The following DLG2 variants were observed in gnomAD, a reference collection of about 807,000 sequenced individuals.
The protein encoded by DLG2 is disks large homolog 2.
In DLG2, 45 loss-of-function variants were observed where a neutral mutation model predicts 132.5. That is an observed-to-expected ratio of 0.34 (90% CI 0.27 to 0.44). The LOEUF (loss-of-function observed/expected upper bound fraction) is 0.44. Ranked by LOEUF, DLG2 falls within the 20% of genes least tolerant of loss-of-function variation. The pLI is 1.00. For missense variants in DLG2, 1,045 were observed against 1,196.9 expected (o/e 0.87, Z 1.87); for synonymous variants, 424 against 419.6 (o/e 1.01, Z -0.13).
At chr11:83,696,259 A>G (rs75674546) in intron 18 of DLG2, among the ~76,000 whole-genome samples, 1,738 of 152,098 alleles carry the variant, frequency 0.011, 47 homozygotes, top group African/African-American at 0.04. Context: ...GAAGGAGAAA[A>G]TCTGGGCTGG....
chr11:85,189,972 T>C (rs547574632), intron 4 of DLG2, among the ~76,000 whole-genome samples: 16 of 152,290 alleles, frequency 1.1e-4, no homozygotes, highest in African/African-American at 3.4e-4. Flanking sequence ...ATGTATCTTA[T>C]AATGTATAAA....
intron 3 of DLG2, among the ~76,000 whole-genome samples, chr11:85,443,172 T>C (rs986603446): frequency 1.3e-5 from 2 of 151,692 alleles, no homozygotes; most frequent in Non-Finnish European, 3.0e-5. Context: ...CTGTCACTAA[T>C]TTTTTTATCT....
intron 6 of DLG2, among the ~76,000 whole-genome samples, chr11:84,891,325 T>C (rs764052852): frequency 6.6e-6 from 1 of 152,190 alleles, no homozygotes; most frequent in Non-Finnish European, 1.5e-5. Flanking sequence ...ATGGTAGGAA[T>C]ATTAGTATTT....
intron 6 of DLG2, among the ~76,000 whole-genome samples, chr11:84,909,837 G>A (rs1484012250): frequency 6.6e-6 from 1 of 152,140 alleles, no homozygotes; most frequent in Non-Finnish European, 1.5e-5. Flanking sequence ...TGCCCAGGAT[G>A]TTCCCATGAG....
At chr11:85,191,439 T>C (rs1359142036) in intron 4 of DLG2, among the ~76,000 whole-genome samples, 4 of 151,964 alleles carry the variant, frequency 2.6e-5, no homozygotes, top group Non-Finnish European at 4.4e-5. Flanking sequence ...TCCACCAGGT[T>C]CCACTGGCCA....
chr11:84,420,054 G>C (rs916412039), intron 7 of DLG2, among the ~76,000 whole-genome samples: 1 of 152,170 alleles, frequency 6.6e-6, no homozygotes, highest in African/African-American at 2.4e-5. Flanking sequence ...GGTAATTAGA[G>C]AGATCATGTT....
chr11:85,404,492 A>G (rs956131263), intron 3 of DLG2, among the ~76,000 whole-genome samples: 3 of 151,960 alleles, frequency 2.0e-5, no homozygotes, highest in Non-Finnish European at 2.9e-5. Flanking sequence ...AATTAATATG[A>G]TAGAGTTTCT....
intron 3 of DLG2, among the ~76,000 whole-genome samples, chr11:85,443,590 CCT>C (rs2091884104): frequency 6.6e-6 from 1 of 152,312 alleles, no homozygotes; most frequent in African/African-American, 2.4e-5. Flanking sequence ...TTTCTCAACA[CCT>C]CTGTTTCTTC....
intron 3 of DLG2, among the ~76,000 whole-genome samples, chr11:85,296,514 T>C (rs1333260111): frequency 4.0e-5 from 6 of 151,110 alleles, no homozygotes; most frequent in African/African-American, 1.5e-4. Context: ...TTTTTCCTTC[T>C]TTTGGACATA....
intron 6 of DLG2, among the ~76,000 whole-genome samples, chr11:84,693,593 C>T (rs938778389): frequency 1.3e-5 from 2 of 151,700 alleles, no homozygotes; most frequent in African/African-American, 2.4e-5. Context: ...TTTCTAAAAA[C>T]GAGCTTAGGC....
chr11:84,374,617 T>G (rs1340097005), intron 7 of DLG2, among the ~76,000 whole-genome samples: 1 of 152,102 alleles, frequency 6.6e-6, no homozygotes, highest in Non-Finnish European at 1.5e-5. Context: ...ATACCTGAAA[T>G]TGTCACCTTG....
rs561359864 is a variant in DLG2 at position 83,516,837 on chromosome 11, A to T, written c.2193+15871T>A. 2.6e-5 allele frequency among the ~76,000 whole-genome samples: 4 copies of T among 152,240 alleles called. No individual in the cohort carries two copies. The East Asian group carries it at 7.7e-4, about 29-fold the overall frequency. On this transcript the variant is annotated intron_variant, in intron 21 of 27. Transcript: ENST00000376104. Reference sequence around the variant, plus strand: ...GGGTTGAAAATTCTTTTCTTTAATAATGTTGAATATTGGGCCCGTCTCTCT... The same window carrying T: ...GGGTTGAAAATTCTTTTCTTTAATATTGTTGAATATTGGGCCCGTCTCTCT...
At chr11:83,478,699 C>T (rs1285022916) in intron 22 of DLG2, among the ~76,000 whole-genome samples, 1 of 152,020 alleles carries the variant, frequency 6.6e-6, no homozygotes, top group East Asian at 1.9e-4. Context: ...ATTAAAAGAA[C>T]TGAAAGATAA....
intron 15 of DLG2, among the ~76,000 whole-genome samples, chr11:83,928,757 A>G (rs1361597129): frequency 1.1e-4 from 16 of 152,164 alleles, no homozygotes; most frequent in Admixed American, 1.0e-3. Flanking sequence ...TAATAATAAC[A>G]TCTACCTCAA....
At chr11:85,450,469 A>C (rs979011824) in intron 3 of DLG2, among the ~76,000 whole-genome samples, 1 of 152,200 alleles carries the variant, frequency 6.6e-6, no homozygotes. Context: ...TGATATCAGC[A>C]ACCACCTACA....
At chr11:84,653,730 A>G (rs959309572) in intron 6 of DLG2, among the ~76,000 whole-genome samples, 4 of 152,196 alleles carry the variant, frequency 2.6e-5, no homozygotes, top group Non-Finnish European at 4.4e-5. Flanking sequence ...GGGATATTAC[A>G]GCAAATATTT....
intron 6 of DLG2, among the ~76,000 whole-genome samples, chr11:84,568,706 G>T (rs954340482): frequency 2.6e-5 from 4 of 152,088 alleles, no homozygotes; most frequent in African/African-American, 9.7e-5. Flanking sequence ...AGAAGCAAAG[G>T]TGCTAGATTG....
intron 19 of DLG2, among the ~76,000 whole-genome samples, chr11:83,570,587 G>A (rs2096781061): frequency 6.6e-6 from 1 of 152,010 alleles, no homozygotes; most frequent in Non-Finnish European, 1.5e-5. Flanking sequence ...TTAAAGTAAG[G>A]AAAAAAGCTG....
chr11:84,632,586 A>G (rs1475699115), intron 6 of DLG2, among the ~76,000 whole-genome samples: 1 of 152,210 alleles, frequency 6.6e-6, no homozygotes, highest in East Asian at 1.9e-4. Flanking sequence ...TAGTAAAGTC[A>G]GGTTTAAGTT....
Sources: gnomAD v4.1 joint callset for allele counts (sites outside exome capture counted in the v4.1 genomes callset) on GRCh38, gnomAD v4.1.1 for gene constraint, MANE v1.5 for transcripts, NCBI Gene and HGNC (gene_info 2026-07-23, HGNC 2026-07-21) for gene names.